Variants in PGAP4 observed in about 807,000 individuals in gnomAD.
PGAP4 encodes the protein post-GPI attachment to proteins GalNAc transferase 4.
In PGAP4, 12 loss-of-function variants were observed where a neutral mutation model predicts 28.2. That is an observed-to-expected ratio of 0.42 (90% CI 0.27 to 0.69). PGAP4 has a LOEUF of 0.69. PGAP4 is among the 30% of genes least tolerant of loss of function. PGAP4 has a pLI of 0.22. For synonymous variants in PGAP4, 205 were observed against 211.8 expected, an observed-to-expected ratio of 0.97 and a Z score of 0.28; for missense variants, 425 against 513.5, an observed-to-expected ratio of 0.83 and a Z score of 1.67.
At chr9:101,506,581 G>A (rs2118600723) in intron 2 of PGAP4, among the ~76,000 whole-genome samples, 1 of 152,150 alleles carries the variant, frequency 6.6e-6, no homozygotes, top group African/African-American at 2.4e-5. Flanking sequence ...CAGATCTCCT[G>A]TACGCTTGAC....
chr9:101,516,545 T>C (rs1826944950), intron 2 of PGAP4, among the ~76,000 whole-genome samples: 1 of 152,196 alleles, frequency 6.6e-6, no homozygotes, highest in African/African-American at 2.4e-5. Context: ...AAGTAAATGC[T>C]CAATTTCAAT....
Position 101,496,948 on chromosome 9 carries a change from A to G in PGAP4, c.-164-7748T>C, listed in dbSNP as rs181662971. ...TGTTTTTTCATAATTTTTTAATATT[A>G]AAAACTATTTGTACACTTTATGTAC... On this transcript the variant is annotated intron_variant, in intron 2 of 3. Coordinates refer to the PGAP4 transcript ENST00000374851. Among the ~76,000 whole-genome samples the G allele has an allele frequency of 1.8e-4, 27 of 150,760 alleles. No homozygotes were observed. In the East Asian group the frequency reaches 5.0e-3, roughly 28 times the overall value.
chr9:101,503,852 T>C lies in PGAP4; in HGVS notation c.-164-14652A>G, dbSNP rs912897833. On this transcript the variant is annotated intron_variant, in intron 2 of 3. Transcript: ENST00000374851. ...GAGTTTGCTATGTTTCCCTATTCTT[T>C]TGTTCTGTTCTGCTTTTAAAAAATT... Among the ~76,000 whole-genome samples, 40 of 152,056 alleles carry C rather than the reference T, an allele frequency of 2.6e-4. 1 individual carries two copies. Among genetic ancestry groups the C allele is most frequent in the Non-Finnish European group, 1.3e-4 (9 of 67,990 alleles).
intron 2 of PGAP4, among the ~76,000 whole-genome samples, chr9:101,513,803 T>C (rs1417174424): frequency 6.6e-6 from 1 of 152,058 alleles, no homozygotes; most frequent in Non-Finnish European, 1.5e-5. Context: ...GATGGCAATA[T>C]TGTGGCTCAT....
Position 101,486,682 on chromosome 9 carries a change from G to A in PGAP4, c.-78+267C>T, listed in dbSNP as rs985682267. On this transcript the variant is annotated intron_variant, in intron 1 of 1. Coordinates refer to ENST00000374848, the MANE Select transcript of PGAP4 (RefSeq NM_032342.3). The surrounding 1 kb of genome is among the most constrained non-coding windows in gnomAD (Gnocchi z 4.7). ...CTCAACCATCCCCGCACTGATGCGG[G>A]CCCCTGCTGCCCTGGGGACCCCTGC... 1.1e-4 allele frequency among the ~76,000 whole-genome samples: 17 copies of A among 152,242 alleles called. No individual in the cohort carries two copies. Among genetic ancestry groups the A allele is most frequent in the African/African-American group, 3.6e-4 (15 of 41,558 alleles).
At position 101,474,947 on chromosome 9, in the gene PGAP4, A is replaced by T. The variant is rs974375467; in HGVS notation, c.*934T>A. 6.6e-6 allele frequency: 1 copy of T among 150,458 alleles called. No homozygotes were observed. Among genetic ancestry groups the T allele is most frequent in the African/African-American group, 2.5e-5 (1 of 40,808 alleles). The allele number at this position is 150,458 out of a possible 1,614,324, so 9.3% of individuals were successfully genotyped here. A position where few individuals can be genotyped will look rare whatever the true frequency, so the allele number is the denominator to read the frequency against. On this transcript the variant is annotated 3_prime_UTR_variant, in exon 2 of 2. Coordinates refer to ENST00000374848, the MANE Select transcript of PGAP4 (RefSeq NM_032342.3). ...GTCACGTCGTTAGGCCATGGCAGAGATCTGAAATAAAAGGTCAGGTCTTCT... is the reference window on the plus strand; with the variant it reads ...GTCACGTCGTTAGGCCATGGCAGAGTTCTGAAATAAAAGGTCAGGTCTTCT...
At chr9:101,532,951 T>C (rs1729059199) in exon 1 of PGAP4, 1 of 152,226 alleles carries the variant, frequency 6.6e-6, no homozygotes. Flanking sequence ...CTTCCATTTC[T>C]AGACCCTTAG....
In PGAP4 at chr9:101,495,397, ATTTTATATATAATATATATTATATATG is replaced by A. The variant is rs1259444132; in HGVS notation, c.-164-6224_-164-6198del. Among the ~76,000 whole-genome samples the A allele has an allele frequency of 8.1e-3, 1,116 of 137,836 alleles. 272 individuals are homozygous for A. The highest frequency in any genetic ancestry group is 0.01 in the African/African-American group (388 of 37,156). 90.4% of individuals were successfully genotyped at this position (137,836 alleles called of 152,430 possible). A position where few individuals can be genotyped will look rare whatever the true frequency, so the allele number is the denominator to read the frequency against. On this transcript the variant is annotated intron_variant, in intron 2 of 3. Transcript: ENST00000374851. ...TATAATATATATTATATGTGCTTAT[ATTTTATATATAATATATATTATATATG>A]CTTATATTTTATATATAATATATAT... is the stretch of plus-strand genomic sequence containing the variant.
chr9:101,506,887 G>A (rs1416283811), intron 2 of PGAP4, among the ~76,000 whole-genome samples: 16 of 152,042 alleles, frequency 1.1e-4, no homozygotes, highest in Admixed American at 1.0e-3. Context: ...AAACCTAACA[G>A]CCAAAGGTAG....
At chr9:101,506,109 A>T (rs1198763972) in intron 2 of PGAP4, among the ~76,000 whole-genome samples, 1 of 152,012 alleles carries the variant, frequency 6.6e-6, no homozygotes, top group Admixed American at 6.6e-5. Context: ...GCCCTCAAAG[A>T]TTTCAAAGGA....
chr9:101,479,699 G>A (rs1354847536), intron 1 of PGAP4: 3 of 152,224 alleles, frequency 2.0e-5, no homozygotes, highest in African/African-American at 7.2e-5. Flanking sequence ...TTGCTGGGGT[G>A]ATTAACAGCC....
At chr9:101,507,318 T>C (rs1826856065) in intron 2 of PGAP4, among the ~76,000 whole-genome samples, 3 of 152,078 alleles carry the variant, frequency 2.0e-5, no homozygotes. Context: ...CCAAGACAAA[T>C]TATAGTTATC....
chr9:101,481,093 C>A (rs142395180), intron 1 of PGAP4, among the ~76,000 whole-genome samples: 31 of 152,278 alleles, frequency 2.0e-4, no homozygotes, highest in African/African-American at 7.5e-4. Context: ...AGGAGGATTG[C>A]CTGAGCCCCA....
chr9:101,496,147 G>A (rs1381871440), intron 2 of PGAP4, among the ~76,000 whole-genome samples: 5 of 151,478 alleles, frequency 3.3e-5, no homozygotes, highest in East Asian at 1.9e-4. Context: ...TACACTGGAG[G>A]AAAATATTGT....
intron 2 of PGAP4, among the ~76,000 whole-genome samples, chr9:101,512,517 G>A (rs535429419): frequency 1.3e-5 from 2 of 152,192 alleles, no homozygotes; most frequent in Admixed American, 1.3e-4. Context: ...TTTTTACATG[G>A]GAGGCTGACT....
chr9:101,517,657 G>A (rs181019810), intron 2 of PGAP4, among the ~76,000 whole-genome samples: 1 of 152,254 alleles, frequency 6.6e-6, no homozygotes, highest in African/African-American at 2.4e-5. Flanking sequence ...GCAATGAGTA[G>A]GACAGGAGAG....
intron 2 of PGAP4, among the ~76,000 whole-genome samples, chr9:101,523,905 G>A (rs548656659): frequency 1.4e-4 from 21 of 151,972 alleles, no homozygotes; most frequent in South Asian, 1.2e-3. Context: ...CTATTGTTCA[G>A]ATTCTTTTGT....
At chr9:101,482,434 A>G (rs1180409496) in intron 1 of PGAP4, among the ~76,000 whole-genome samples, 1 of 152,176 alleles carries the variant, frequency 6.6e-6, no homozygotes, top group Admixed American at 6.5e-5. Context: ...ACACAGTGAG[A>G]CTGTGACGAT....
intron 2 of PGAP4, among the ~76,000 whole-genome samples, chr9:101,519,823 A>G (rs1315856188): frequency 6.6e-6 from 1 of 151,990 alleles, no homozygotes; most frequent in Admixed American, 6.6e-5. Context: ...GGTTTTTCCA[A>G]TGTTATCTTC....
Sources: allele counts gnomAD v4.1 joint callset (sites outside exome capture counted in the v4.1 genomes callset), GRCh38; gene constraint gnomAD v4.1.1; non-coding constraint Gnocchi (gnomAD v3.1); transcripts MANE v1.5; gene names NCBI Gene and HGNC (gene_info 2026-07-23, HGNC 2026-07-21).